Variants in ACYP2 observed in about 807,000 individuals in gnomAD.
The protein encoded by ACYP2 is acylphosphatase 2.
A neutral mutation model predicts 11.2 loss-of-function variants in ACYP2; 12 were observed. The observed-to-expected ratio is 1.08, with a 90% CI of 0.69 to 1.74. The LOEUF (loss-of-function observed/expected upper bound fraction) is 1.74, where lower values mean the gene tolerates loss of function less well. Among genes scored for constraint, ACYP2 ranks in the 40% most tolerant of loss-of-function variants. The pLI, the probability that ACYP2 is intolerant of heterozygous loss-of-function variation, is 0.00. For missense variants in ACYP2, 134 were observed against 101.9 expected (o/e 1.31, Z -1.35); for synonymous variants, 43 against 32.2 (o/e 1.33, Z -1.13).
intron 6 of ACYP2, among the ~76,000 whole-genome samples, chr2:54,248,363 T>C (rs572062267): frequency 1.3e-5 from 2 of 152,314 alleles, no homozygotes; most frequent in African/African-American, 4.8e-5. Context: ...GACATACGAT[T>C]CCTACTCTAC....
At chr2:54,274,228 A>G (rs1408878676) in intron 6 of ACYP2, among the ~76,000 whole-genome samples, 1 of 152,134 alleles carries the variant, frequency 6.6e-6, no homozygotes, top group East Asian at 1.9e-4. Flanking sequence ...TCCCCCTTAT[A>G]ATAACCATCA....
At chr2:54,067,601 T>C (rs533566715) in intron 4 of ACYP2, among the ~76,000 whole-genome samples, 95 of 152,358 alleles carry the variant, frequency 6.2e-4, no homozygotes, top group African/African-American at 2.1e-3. Flanking sequence ...TAGGTATTCC[T>C]AGAACTCAGT....
intron 2 of ACYP2, among the ~76,000 whole-genome samples, chr2:53,994,203 G>A (rs1311407950): frequency 2.0e-5 from 3 of 151,842 alleles, no homozygotes; most frequent in Non-Finnish European, 4.4e-5. Context: ...GGTGGCAGGC[G>A]CCTGTAGCCC....
At chr2:54,162,137 C>A (rs1558579023) in intron 6 of ACYP2, among the ~76,000 whole-genome samples, 1 of 152,106 alleles carries the variant, frequency 6.6e-6, no homozygotes, top group Non-Finnish European at 1.5e-5. Context: ...TTTTATCTCA[C>A]AGTATTTAAC....
intron 6 of ACYP2, among the ~76,000 whole-genome samples, chr2:54,229,265 G>A (rs1444913571): frequency 6.6e-6 from 1 of 152,156 alleles, no homozygotes; most frequent in East Asian, 1.9e-4. Context: ...GGGAGATGAA[G>A]TTTCATAACA....
At chr2:54,278,179 C>T (rs922469093) in intron 6 of ACYP2, among the ~76,000 whole-genome samples, 1 of 152,090 alleles carries the variant, frequency 6.6e-6, no homozygotes, top group Non-Finnish European at 1.5e-5. Flanking sequence ...AGGGTTTCAC[C>T]GTGTTAGCCA....
chr2:54,201,606 T>TTCTTTC (rs1684783624), intron 6 of ACYP2, among the ~76,000 whole-genome samples: 4 of 86,074 alleles, frequency 4.6e-5, no homozygotes, highest in Non-Finnish European at 2.3e-5. Context: ...CTTTCTTTCT[T>TTCTTTC]TCTTTCTTTC....
intron 6 of ACYP2, among the ~76,000 whole-genome samples, chr2:54,259,362 G>A (rs1687685065): frequency 6.6e-6 from 1 of 152,200 alleles, no homozygotes; most frequent in South Asian, 2.1e-4. Context: ...TAAAGTCAAA[G>A]GGTTGGATGA....
At chr2:54,244,169 C>G (rs1375055801) in intron 6 of ACYP2, among the ~76,000 whole-genome samples, 2 of 152,006 alleles carry the variant, frequency 1.3e-5, no homozygotes, top group Admixed American at 6.5e-5. Flanking sequence ...AGTTGTTCGT[C>G]TTTTCCTCAC....
At chr2:54,031,502 C>A (rs558579158) in intron 2 of ACYP2, among the ~76,000 whole-genome samples, 1 of 152,126 alleles carries the variant, frequency 6.6e-6, no homozygotes, top group Admixed American at 6.6e-5. Flanking sequence ...ATATGTGCGA[C>A]ATTTTCTTAA....
intron 6 of ACYP2, among the ~76,000 whole-genome samples, chr2:54,237,330 T>C (rs1686529127): frequency 8.1e-6 from 1 of 123,994 alleles, no homozygotes; most frequent in South Asian, 3.0e-4. Context: ...ACTATTGCTA[T>C]ATTTGGTTAA....
intron 6 of ACYP2, among the ~76,000 whole-genome samples, chr2:54,260,851 A>G (rs1429073144): frequency 6.8e-6 from 1 of 148,056 alleles, no homozygotes; most frequent in South Asian, 2.1e-4. Context: ...GAGAGATAAG[A>G]CAAGAGAGAA....
intron 6 of ACYP2, among the ~76,000 whole-genome samples, chr2:54,286,750 T>C (rs1689094568): frequency 6.6e-6 from 1 of 152,058 alleles, no homozygotes; most frequent in African/African-American, 2.4e-5. Context: ...CTAAATGGAT[T>C]TGTCCTCATC....
At chr2:54,009,612 A>T (rs765599176) in intron 2 of ACYP2, among the ~76,000 whole-genome samples, 1 of 152,076 alleles carries the variant, frequency 6.6e-6, no homozygotes, top group Non-Finnish European at 1.5e-5. Flanking sequence ...AGTGTCCCTG[A>T]TGATTTAGAG....
chr2:54,289,867 C>T (rs1689225887), intron 6 of ACYP2, among the ~76,000 whole-genome samples: 1 of 151,994 alleles, frequency 6.6e-6, no homozygotes. Context: ...TATTTCAAGG[C>T]ATTCCGAGAG....
At chr2:54,287,472 T>C (rs753818455) in intron 6 of ACYP2, among the ~76,000 whole-genome samples, 3 of 152,020 alleles carry the variant, frequency 2.0e-5, no homozygotes, top group Non-Finnish European at 4.4e-5. Context: ...CCCTTGAACA[T>C]GGGCCAGCCT....
intron 2 of ACYP2, among the ~76,000 whole-genome samples, chr2:53,979,364 C>T (rs1019906030): frequency 2.0e-5 from 3 of 152,046 alleles, no homozygotes; most frequent in Non-Finnish European, 2.9e-5. Flanking sequence ...TCTGGTGGCT[C>T]ACGCTTGTAA....
At chr2:54,043,908 A>C (rs1038076942) in intron 2 of ACYP2, among the ~76,000 whole-genome samples, 19 of 152,224 alleles carry the variant, frequency 1.2e-4, no homozygotes, top group Admixed American at 7.2e-4. Context: ...GAGGAAACTA[A>C]AAACAGGAAC....
intron 3 of ACYP2, among the ~76,000 whole-genome samples, chr2:54,053,452 G>C (rs1396757367): frequency 6.6e-6 from 1 of 152,174 alleles, no homozygotes; most frequent in Non-Finnish European, 1.5e-5. Context: ...CACCCATCAA[G>C]TTCAGCTTTC....
Sources: allele counts gnomAD v4.1 joint callset (sites outside exome capture counted in the v4.1 genomes callset), GRCh38; gene constraint gnomAD v4.1.1; transcripts MANE v1.5; gene names NCBI Gene and HGNC (gene_info 2026-07-23, HGNC 2026-07-21).